THOC1: variants seen among roughly 807,000 people sequenced by gnomAD.
THOC1 encodes the protein THO complex 1.
In THOC1, 29 loss-of-function variants were observed where a neutral mutation model predicts 97.3. The ratio of observed to expected loss-of-function variants is 0.30; its 90% CI spans 0.22 to 0.41. The LOEUF (loss-of-function observed/expected upper bound fraction) is 0.41. THOC1 is among the 10% of genes least tolerant of loss of function. The probability of loss-of-function intolerance (pLI) is 1.00; values close to 1 mark genes in which losing one functional copy is unlikely to be tolerated. For missense variants in THOC1, 529 were observed against 761.9 expected, an observed-to-expected ratio of 0.69 and a Z score of 3.60; for synonymous variants, 255 against 257.0, an observed-to-expected ratio of 0.99 and a Z score of 0.07.
At chr18:221,606 CT>C (rs369952039) in intron 17 of THOC1, among the ~76,000 whole-genome samples, 4,933 of 110,842 alleles carry the variant, frequency 0.045, 84 homozygotes, top group East Asian at 0.25. Flanking sequence ...ATAGATGGAT[CT>C]TTTTTTTTTT....
chr18:246,710 C>G (rs949557652), intron 10 of THOC1, among the ~76,000 whole-genome samples: 1 of 152,016 alleles, frequency 6.6e-6, no homozygotes, highest in Non-Finnish European at 1.5e-5. Context: ...GTGGTGGTGG[C>G]TCACGCCTGT....
intron 11 of THOC1, 40 bp downstream of exon 11, chr18:246,284 C>T (rs1166836770): frequency 7.1e-7 from 1 of 1,398,682 alleles, no homozygotes; most frequent in Non-Finnish European, 9.8e-7. Flanking sequence ...TAAAACAAGA[C>T]CATTTCTTAT....
chr18:228,710 T>C (rs949833063), intron 11 of THOC1, among the ~76,000 whole-genome samples: 2 of 152,212 alleles, frequency 1.3e-5, no homozygotes, highest in African/African-American at 4.8e-5. Context: ...AACAGCAACC[T>C]TGAATAAACC....
intron 11 of THOC1, among the ~76,000 whole-genome samples, chr18:236,819 CA>C (rs1309651610): frequency 1.3e-5 from 2 of 152,274 alleles, no homozygotes; most frequent in Non-Finnish European, 2.9e-5. Context: ...GTACAGTACA[CA>C]AAAGGATCGC....
intron 11 of THOC1, among the ~76,000 whole-genome samples, chr18:233,314 T>C (rs1019853513): frequency 7.9e-5 from 12 of 152,198 alleles, no homozygotes; most frequent in Admixed American, 3.9e-4. Context: ...AGGCCAGGCC[T>C]GGTGGCTCAC....
At chr18:237,116 TGA>T (rs1446899605) in intron 11 of THOC1, among the ~76,000 whole-genome samples, 1 of 151,958 alleles carries the variant, frequency 6.6e-6, no homozygotes, top group Admixed American at 6.6e-5. Flanking sequence ...CTGTGTGGCT[TGA>T]GAGATTTCTA....
chr18:251,649 G>C (rs148477984), intron 9 of THOC1, among the ~76,000 whole-genome samples: 1 of 152,250 alleles, frequency 6.6e-6, no homozygotes, highest in East Asian at 1.9e-4. Flanking sequence ...TTTTCTCTAG[G>C]TAGTCAGATT....
In THOC1 at chr18:214,716, T is replaced by A. The variant is rs1433213100; in HGVS notation, c.1884A>T (p.Ala628=). 1 of 1,614,014 alleles carries A rather than the reference T, an allele frequency of 6.2e-7. No homozygotes were observed. Among genetic ancestry groups the A allele is most frequent in the African/African-American group, 1.3e-5 (1 of 75,064 alleles). The change falls in exon 21 of 21, where the codon GCA becomes GCT. Residue 628 remains alanine, a synonymous_variant. Transcript: ENST00000261600. ...GTGCATTAATCAGATTCTCAGGTGT[T>A]GCATGAACTCCCTCTTGATCTTGCC... ...VAWQDQEGVH[A]TPENLINALN...
At chr18:236,754 G>A (rs1201761285) in intron 11 of THOC1, among the ~76,000 whole-genome samples, 1 of 152,118 alleles carries the variant, frequency 6.6e-6, no homozygotes, top group African/African-American at 2.4e-5. Flanking sequence ...TACATGGGAC[G>A]CTCAGAGCAT....
intron 6 of THOC1, 65 bp from the exon 7 acceptor site, chr18:259,340 TA>T: frequency 7.6e-7 from 1 of 1,324,186 alleles, no homozygotes; most frequent in East Asian, 2.4e-5. Flanking sequence ...CAACCACACC[TA>T]AAAGTTTCTA....
intron 9 of THOC1, among the ~76,000 whole-genome samples, chr18:250,925 C>T (rs983438009): frequency 6.6e-6 from 1 of 151,984 alleles, no homozygotes; most frequent in East Asian, 1.9e-4. Flanking sequence ...ACTAACTTGC[C>T]CCAGAGCCCT....
At position 242,019 on chromosome 18, in the gene THOC1, C is replaced by G. The variant is rs1225667980; in HGVS notation, c.918+4305G>C. Among the ~76,000 whole-genome samples the G allele has an allele frequency of 1.3e-5, 2 of 152,194 alleles. No homozygotes were observed. Among genetic ancestry groups the G allele is most frequent in the African/African-American group, 4.8e-5 (2 of 41,456 alleles). ...AACTATACTGTTGGGCACTAGTATTCAGAATCACACTCCAGGTAGTACAAA... is the reference window on the plus strand; with the variant it reads ...AACTATACTGTTGGGCACTAGTATTGAGAATCACACTCCAGGTAGTACAAA... On this transcript the variant is annotated intron_variant, in intron 11 of 20. Coordinates refer to ENST00000261600, the MANE Select transcript of THOC1 (RefSeq NM_005131.3). The surrounding 1 kb of genome is among the most constrained non-coding windows in gnomAD (Gnocchi z 4.5).
intron 9 of THOC1, among the ~76,000 whole-genome samples, chr18:250,217 T>G (rs1912236385): frequency 6.6e-6 from 1 of 152,194 alleles, no homozygotes; most frequent in Admixed American, 6.5e-5. Flanking sequence ...TTTTAAAAAT[T>G]TAAAGTCCCC....
At chr18:221,656 T>A (rs931391651) in intron 17 of THOC1, among the ~76,000 whole-genome samples, 3 of 144,646 alleles carry the variant, frequency 2.1e-5, no homozygotes, top group Non-Finnish European at 4.5e-5. Flanking sequence ...TCGCCCAGGC[T>A]GGAGTGCAGT....
At position 242,041 on chromosome 18, in the gene THOC1, C is replaced by T. The variant is rs536823509; in HGVS notation, c.918+4283G>A. 6.6e-6 allele frequency among the ~76,000 whole-genome samples: 1 copy of T among 152,284 alleles called. No homozygotes were observed. The highest frequency in any genetic ancestry group is 1.9e-4 in the East Asian group (1 of 5,182). On this transcript the variant is annotated intron_variant, in intron 11 of 20. Transcript: ENST00000261600. This position sits in a 1 kb window ranked among gnomAD's most constrained non-coding sequence, Gnocchi z 4.5. ...ATTCAGAATCACACTCCAGGTAGTA[C>T]AAAAATGTGGCACTTTGTTTCTAGG...
At chr18:237,822 T>G (rs992394444) in intron 11 of THOC1, among the ~76,000 whole-genome samples, 1 of 152,150 alleles carries the variant, frequency 6.6e-6, no homozygotes, top group African/African-American at 2.4e-5. Flanking sequence ...AAAGAATGTG[T>G]AAACAATTGT....
chr18:259,744 G>A lies in THOC1; in HGVS notation c.376-14C>T, dbSNP rs375941346. 43 of 1,528,724 alleles carry A rather than the reference G, an allele frequency of 2.8e-5. No homozygotes were observed. Among genetic ancestry groups the A allele is most frequent in the South Asian group, 1.5e-4 (12 of 79,696 alleles). The allele number at this position is 1,528,724 out of a possible 1,614,324, so 94.7% of individuals were successfully genotyped here. On this transcript the variant is annotated splice_polypyrimidine_tract_variant and intron_variant, in intron 5 of 20. Transcript: ENST00000261600. ...ATAGAATGTATTCTGAAATTAAGACGGAAATTATCACTCTTCTTCAGAACT... is the reference window on the plus strand; with the variant it reads ...ATAGAATGTATTCTGAAATTAAGACAGAAATTATCACTCTTCTTCAGAACT...
intron 9 of THOC1, among the ~76,000 whole-genome samples, chr18:248,898 C>T (rs1424666986): frequency 2.0e-5 from 3 of 151,990 alleles, no homozygotes; most frequent in African/African-American, 7.2e-5. Context: ...CTACAGGCAC[C>T]CGCCACCATG....
At chr18:267,828 C>T in intron 1 of THOC1, 138 bp downstream of exon 1, 3 of 906,674 alleles carry the variant, frequency 3.3e-6, no homozygotes, top group Non-Finnish European at 3.2e-6. Context: ...CCTCAACCTC[C>T]GACGGGGCCC....
Sources: allele counts gnomAD v4.1 joint callset (sites outside exome capture counted in the v4.1 genomes callset), GRCh38; gene constraint gnomAD v4.1.1; non-coding constraint Gnocchi (gnomAD v3.1); transcripts MANE v1.5; gene names NCBI Gene and HGNC (gene_info 2026-07-23, HGNC 2026-07-21).